The following CHD7 variants were observed in gnomAD, a reference collection of about 807,000 sequenced individuals.
CHD7 encodes ATP-dependent chromatin remodeler CHD7.
A neutral mutation model predicts 307.3 loss-of-function variants in CHD7; 24 were observed. The ratio of observed to expected loss-of-function variants is 0.08; its 90% CI spans 0.06 to 0.11. The LOEUF is 0.11. Among genes scored for constraint, CHD7 ranks in the 10% least tolerant of loss-of-function variants. The probability of loss-of-function intolerance (pLI) is 1.00; values close to 1 mark genes in which losing one functional copy is unlikely to be tolerated. For synonymous variants in CHD7, 1,363 were observed against 1,349.9 expected (o/e 1.01, Z -0.21); for missense variants, 3,106 against 3,727.1 (o/e 0.83, Z 4.34).
chr8:60,773,788 T>G (rs1810823034), intron 2 of CHD7, among the ~76,000 whole-genome samples: 1 of 152,072 alleles, frequency 6.6e-6, no homozygotes, highest in African/African-American at 2.4e-5. Flanking sequence ...GCTAGTGGAG[T>G]GATTTTTGAG....
chr8:60,800,203 T>C (rs1179284984), intron 4 of CHD7, among the ~76,000 whole-genome samples, 185 bp from the exon 5 acceptor site: 4 of 152,054 alleles, frequency 2.6e-5, no homozygotes, highest in Admixed American at 2.6e-4. Context: ...GCTAATTTTT[T>C]TTGTATTTTT....
intron 1 of CHD7, among the ~76,000 whole-genome samples, chr8:60,736,797 A>G (rs760424982): frequency 5.3e-5 from 8 of 152,204 alleles, no homozygotes; most frequent in African/African-American, 1.2e-4. Context: ...TATAGGAGAT[A>G]CTTTGCATGT....
intron 1 of CHD7, among the ~76,000 whole-genome samples, chr8:60,690,771 T>C (rs1024763994): frequency 6.6e-6 from 1 of 152,198 alleles, no homozygotes; most frequent in African/African-American, 2.4e-5. Flanking sequence ...TGTTGTTGTT[T>C]TACTGTTGTC....
intron 1 of CHD7, among the ~76,000 whole-genome samples, chr8:60,684,969 G>A (rs1054894876): frequency 1.4e-4 from 21 of 152,166 alleles, no homozygotes; most frequent in African/African-American, 5.1e-4. Context: ...ATATTTAACA[G>A]TTTCAACGAA....
chr8:60,765,649 G>A (rs1810438237), intron 2 of CHD7, among the ~76,000 whole-genome samples: 1 of 152,242 alleles, frequency 6.6e-6, no homozygotes, highest in Non-Finnish European at 1.5e-5. Context: ...GGCTGCTGCT[G>A]CTGAGCTTGG....
At chr8:60,845,904 AT>A in intron 23 of CHD7, among the ~76,000 whole-genome samples, 1 of 152,300 alleles carries the variant, frequency 6.6e-6, no homozygotes, top group South Asian at 2.1e-4. Flanking sequence ...GGCAATCACC[AT>A]TCTACTTTCT....
chr8:60,745,725 A>G (rs1809289346), intron 2 of CHD7, among the ~76,000 whole-genome samples: 1 of 152,200 alleles, frequency 6.6e-6, no homozygotes. Context: ...AGTCTCAGGC[A>G]CAGAACATAG....
At chr8:60,715,079 G>A (rs935723773) in intron 1 of CHD7, among the ~76,000 whole-genome samples, 3 of 152,204 alleles carry the variant, frequency 2.0e-5, no homozygotes, top group Non-Finnish European at 2.9e-5. Context: ...TGATCAGTGA[G>A]AAATGTGATT....
intron 9 of CHD7, among the ~76,000 whole-genome samples, chr8:60,820,349 C>G (rs1274310598): frequency 6.6e-6 from 1 of 152,112 alleles, no homozygotes; most frequent in Admixed American, 6.5e-5. Flanking sequence ...ACATTTTGCA[C>G]AATTCCACAA....
intron 22 of CHD7, 39 bp from the exon 23 acceptor site, chr8:60,845,211 T>C: frequency 6.3e-7 from 1 of 1,586,578 alleles, no homozygotes; most frequent in Non-Finnish European, 8.6e-7. Flanking sequence ...ATAATTGGAA[T>C]GTAAAAGGCT....
chr8:60,762,643 C>T (rs991930812), intron 2 of CHD7, among the ~76,000 whole-genome samples: 3 of 152,156 alleles, frequency 2.0e-5, no homozygotes, highest in Admixed American at 6.5e-5. Flanking sequence ...TTACTGCTAT[C>T]GATGCCACAT....
Position 60,841,637 on chromosome 8 carries a change from T to G in CHD7, c.4534-7T>G, listed in dbSNP as rs757333865. On this transcript the variant is annotated splice_polypyrimidine_tract_variant and splice_region_variant and intron_variant, in intron 19 of 37. Coordinates refer to ENST00000423902, the MANE Select transcript of CHD7 (RefSeq NM_017780.4). ...CTCAAAGTAATGCGTTTCTTTTTTC[T>G]CTTTAGGCCAGTTTTGTTGCATCTG... The G allele has an allele frequency of 6.2e-6, 10 of 1,600,830 alleles. No homozygotes were observed. The highest frequency in any genetic ancestry group is 1.3e-5 in the African/African-American group (1 of 74,828).
chr8:60,788,088 C>A (rs112973281), intron 3 of CHD7, among the ~76,000 whole-genome samples: 2,866 of 151,640 alleles, frequency 0.019, 76 homozygotes, highest in African/African-American at 0.055. Context: ...TCGCAAAGTG[C>A]TGGGATTACA....
intron 15 of CHD7, among the ~76,000 whole-genome samples, chr8:60,832,061 G>A (rs1050417324): frequency 3.3e-5 from 5 of 151,950 alleles, no homozygotes; most frequent in South Asian, 2.1e-4. Flanking sequence ...TCACTCTGGC[G>A]CCCAGGCTGT....
intron 1 of CHD7, among the ~76,000 whole-genome samples, chr8:60,715,752 C>G (rs1414461229): frequency 6.6e-6 from 1 of 150,786 alleles, no homozygotes; most frequent in East Asian, 2.0e-4. Context: ...TGGCAATACT[C>G]TACCTTAGAA....
rs1410303595 is a variant in CHD7, at chr8:60,854,542, C to G, written c.6936+19C>G. 2.5e-6 allele frequency: 4 copies of G among 1,572,940 alleles called. No individual in the cohort carries two copies. The highest frequency in any genetic ancestry group is 1.8e-5 in the Admixed American group (1 of 55,962). On this transcript the variant is annotated intron_variant, in intron 32 of 37. Coordinates refer to ENST00000423902, the MANE Select transcript of CHD7 (RefSeq NM_017780.4). The stretch of plus-strand genomic sequence containing the variant: ...GCCTAAGGTTGGCAGGTTTTTGTTG[C>G]TGTTGTTTTGCTGACCAAAAAGGAT...
chr8:60,693,209 G>T (rs11990117), intron 1 of CHD7, among the ~76,000 whole-genome samples: 99,451 of 152,088 alleles, frequency 0.65, 34,594 homozygotes, highest in East Asian at 0.93. Flanking sequence ...CGGTCAGAGC[G>T]CAGTCCCAGG....
intron 7 of CHD7, chr8:60,809,686 AAAAAAAAAG>A (rs1554594674): frequency 7.1e-6 from 1 of 140,166 alleles, no homozygotes; most frequent in South Asian, 2.3e-4. Context: ...AAAAAAAAAA[AAAAAAAAAG>A]AAAAAAAAGG....
intron 2 of CHD7, among the ~76,000 whole-genome samples, chr8:60,763,785 T>C (rs1195790328): frequency 1.3e-5 from 2 of 152,108 alleles, no homozygotes; most frequent in African/African-American, 4.8e-5. Flanking sequence ...AGCCCACCAC[T>C]CACTTGGACA....
Sources: allele counts gnomAD v4.1 joint callset (sites outside exome capture counted in the v4.1 genomes callset), GRCh38; gene constraint gnomAD v4.1.1; transcripts MANE v1.5; gene names NCBI Gene and HGNC (gene_info 2026-07-23, HGNC 2026-07-21).